The following TTC1 variants were observed in gnomAD, a reference collection of about 807,000 sequenced individuals.
The protein encoded by TTC1 is tetratricopeptide repeat protein 1.
TTC1 carries 31 observed loss-of-function variants against 37.6 expected under a neutral mutation model. That is an observed-to-expected ratio of 0.82 (90% CI 0.62 to 1.11). The LOEUF (loss-of-function observed/expected upper bound fraction) is 1.11, where lower values mean the gene tolerates loss of function less well. Ranked by LOEUF, TTC1 falls within the 50% of genes most tolerant of loss-of-function variation. TTC1 has a pLI of 0.00. For missense variants in TTC1, 351 were observed against 339.0 expected, an observed-to-expected ratio of 1.04 and a Z score of -0.28; for synonymous variants, 127 against 122.4, an observed-to-expected ratio of 1.04 and a Z score of -0.25.
chr5:160,035,046 C>A, intron 2 of TTC1, 94 bp from the exon 3 acceptor site: 2 of 1,040,338 alleles, frequency 1.9e-6, no homozygotes, highest in Non-Finnish European at 2.7e-6. Context: ...CAGACTGTTG[C>A]CTATTAAATA....
chr5:160,039,945 G>A (rs1327644000), intron 4 of TTC1, among the ~76,000 whole-genome samples: 1 of 152,144 alleles, frequency 6.6e-6, no homozygotes, highest in Non-Finnish European at 1.5e-5. Context: ...CCATTTTAAA[G>A]TACAGTCATG....
chr5:160,044,594 T>C (rs1481432014), intron 5 of TTC1, among the ~76,000 whole-genome samples: 1 of 152,212 alleles, frequency 6.6e-6, no homozygotes, highest in Admixed American at 6.5e-5. Flanking sequence ...TCTTTTAGCA[T>C]GTTAATGCAT....
rs190137267 is a variant in TTC1 at position 160,026,005 on chromosome 5, A to C, written c.331-9135A>C. Among the ~76,000 whole-genome samples the C allele has an allele frequency of 2.2e-4, 34 of 152,350 alleles. No homozygotes were observed. In the East Asian group the frequency reaches 5.8e-3, roughly 26 times the overall value. On this transcript the variant is annotated intron_variant, in intron 2 of 7. Coordinates refer to ENST00000231238, the MANE Select transcript of TTC1 (RefSeq NM_003314.3). ...AGGTAAAAGCAATCCGGAACTGTTA[A>C]CTATAGCTAGTAAGTCAGAATTCGG...
At chr5:160,045,002 A>G (rs998153651) in intron 5 of TTC1, among the ~76,000 whole-genome samples, 16 of 152,192 alleles carry the variant, frequency 1.1e-4, no homozygotes, top group Non-Finnish European at 2.2e-4. Context: ...ATGTGTTACC[A>G]AGTTGGACTG....
intron 2 of TTC1, among the ~76,000 whole-genome samples, chr5:160,024,666 T>A (rs1756770444): frequency 8.1e-6 from 1 of 123,468 alleles, no homozygotes; most frequent in Admixed American, 1.0e-4. Flanking sequence ...CCAGCTAAAT[T>A]TTTTTTTTTT....
chr5:160,022,663 G>C (rs1313834059), intron 2 of TTC1, among the ~76,000 whole-genome samples: 1 of 152,104 alleles, frequency 6.6e-6, no homozygotes, highest in Non-Finnish European at 1.5e-5. Flanking sequence ...CCAAGTCATG[G>C]ATATTTGCTT....
At chr5:160,039,039 A>G (rs1212952339) in intron 4 of TTC1, 3 of 152,208 alleles carry the variant, frequency 2.0e-5, no homozygotes, top group Non-Finnish European at 1.5e-5. Context: ...CCCTGACACA[A>G]TTTAAGGAGC....
At chr5:160,047,787 A>G (rs1309718468) in intron 5 of TTC1, among the ~76,000 whole-genome samples, 1 of 152,200 alleles carries the variant, frequency 6.6e-6, no homozygotes, top group Non-Finnish European at 1.5e-5. Flanking sequence ...TTAGCCTTTC[A>G]CATGGCTGGC....
intron 3 of TTC1, among the ~76,000 whole-genome samples, chr5:160,035,957 T>C (rs1485765366): frequency 2.0e-5 from 3 of 151,914 alleles, no homozygotes; most frequent in Admixed American, 6.5e-5. Flanking sequence ...TTAGGGTTTT[T>C]TTTTTTTTCC....
At chr5:160,046,529 C>G (rs1442827260) in intron 5 of TTC1, among the ~76,000 whole-genome samples, 1 of 152,030 alleles carries the variant, frequency 6.6e-6, no homozygotes, top group Non-Finnish European at 1.5e-5. Flanking sequence ...TGATCTCATT[C>G]AGTTCTGAAG....
At chr5:160,059,438 T>G (rs1257778769) in intron 7 of TTC1, among the ~76,000 whole-genome samples, 1 of 152,264 alleles carries the variant, frequency 6.6e-6, no homozygotes, top group African/African-American at 2.4e-5. Context: ...GTGGCTGGTT[T>G]GATCTTCTAT....
intron 5 of TTC1, among the ~76,000 whole-genome samples, chr5:160,045,115 G>T (rs1300307651): frequency 1.2e-4 from 19 of 152,116 alleles, no homozygotes; most frequent in Admixed American, 1.2e-3. Flanking sequence ...GGAACAAGCT[G>T]CTGGTTTTCA....
At chr5:160,040,945 ATT>A (rs200685241) in intron 4 of TTC1, among the ~76,000 whole-genome samples, 3 of 145,336 alleles carry the variant, frequency 2.1e-5, no homozygotes, top group African/African-American at 2.5e-5. Flanking sequence ...CTATTAAATA[ATT>A]TTTTTTTTTT....
chr5:160,035,167 A>C lies in TTC1; in HGVS notation c.358A>C (p.Lys120Gln). The change falls in exon 3 of 8, where the codon AAG becomes CAG. Residue 120 changes from lysine (K) to glutamine (Q), a missense_variant. Physicochemically the swap from Lys to Gln is moderately conservative, Grantham distance 53. Transcript: ENST00000231238. ...AAGAAGAGAAGAGAGCACTAGACTA[A>C]AGGAGGAGGGAAATGAACAGTTTAA... ...QKRREESTRLKEEGNEQFKKG... is the reference protein window; with the variant it reads ...QKRREESTRLQEEGNEQFKKG... The C allele has an allele frequency of 2.5e-6, 4 of 1,606,114 alleles. No individual in the cohort carries two copies. Among genetic ancestry groups the C allele is most frequent in the Non-Finnish European group, 3.4e-6 (4 of 1,177,116 alleles).
intron 7 of TTC1, among the ~76,000 whole-genome samples, chr5:160,051,772 TTAAG>T (rs1347028078): frequency 2.6e-5 from 4 of 152,306 alleles, no homozygotes; most frequent in African/African-American, 7.2e-5. Context: ...AGCAATCTGC[TTAAG>T]TAAGAGGAGT....
Position 160,043,932 on chromosome 5 carries a change from C to T in TTC1, c.541+763C>T, listed in dbSNP as rs573858451. On this transcript the variant is annotated intron_variant, in intron 5 of 7. Transcript: ENST00000231238. ...CACCCCACTAACTTTTATAGGGACA[C>T]CTCAGACATAGGGTCACTACAGTTT... is the stretch of plus-strand genomic sequence containing the variant. Among the ~76,000 whole-genome samples the T allele has an allele frequency of 3.9e-5, 6 of 152,184 alleles. No homozygotes were observed. The East Asian group carries it at 9.7e-4, about 25-fold the overall frequency.
At chr5:160,026,534 C>A (rs929390960) in intron 2 of TTC1, among the ~76,000 whole-genome samples, 5 of 152,128 alleles carry the variant, frequency 3.3e-5, no homozygotes, top group African/African-American at 1.2e-4. Flanking sequence ...AATTTGTTGA[C>A]CTTTTTACCG....
In TTC1 at chr5:160,061,084, C is replaced by T. The variant is rs72810136; in HGVS notation, c.746-3848C>T. ...CTGTGGCACGGGAACCGTAGGCTGA[C>T]GGGCCTGGCTCAGGACAGCCTGGCA... On this transcript the variant is annotated intron_variant, in intron 7 of 7. Coordinates refer to ENST00000231238, the MANE Select transcript of TTC1 (RefSeq NM_003314.3). 6.7e-3 allele frequency among the ~76,000 whole-genome samples: 1,021 copies of T among 152,294 alleles called. 3 individuals are homozygous for T. Among genetic ancestry groups the T allele is most frequent in the Non-Finnish European group, 0.011 (766 of 68,014 alleles).
intron 2 of TTC1, 61 bp downstream of exon 2, chr5:160,010,919 A>G (rs1216495905): frequency 4.8e-6 from 7 of 1,455,862 alleles, no homozygotes; most frequent in Non-Finnish European, 5.6e-6. Context: ...AATGTGGTCG[A>G]TACTGTATCA....
Sources: allele counts gnomAD v4.1 joint callset (sites outside exome capture counted in the v4.1 genomes callset), GRCh38; gene constraint gnomAD v4.1.1; transcripts MANE v1.5; gene names NCBI Gene and HGNC (gene_info 2026-07-23, HGNC 2026-07-21).